FBLN5: variants seen among roughly 807,000 people sequenced by gnomAD.
FBLN5 encodes the protein fibulin-5.
FBLN5 carries 24 observed loss-of-function variants against 61.6 expected under a neutral mutation model. That is an observed-to-expected ratio of 0.39 (90% CI 0.28 to 0.55). FBLN5 has a LOEUF of 0.55. FBLN5 is among the 20% of genes least tolerant of loss of function. The pLI is 0.65. For missense variants in FBLN5, 470 were observed against 594.1 expected (o/e 0.79, Z 2.17); for synonymous variants, 213 against 219.8 (o/e 0.97, Z 0.27).
At chr14:91,932,448 C>T (rs2055940533) in intron 4 of FBLN5, among the ~76,000 whole-genome samples, 1 of 152,174 alleles carries the variant, frequency 6.6e-6, no homozygotes, top group Non-Finnish European at 1.5e-5. Flanking sequence ...CCGCCCAGCC[C>T]ATGGAAACAG....
chr14:91,877,785 T>C, intron 9 of FBLN5, 103 bp from the exon 10 acceptor site: 1 of 886,376 alleles, frequency 1.1e-6, no homozygotes, highest in Non-Finnish European at 1.9e-6. Flanking sequence ...ACCCCATTTT[T>C]AGCATCCAAA....
At chr14:91,928,176 G>A (rs750514176) in intron 4 of FBLN5, among the ~76,000 whole-genome samples, 2 of 152,264 alleles carry the variant, frequency 1.3e-5, no homozygotes, top group South Asian at 2.1e-4. Context: ...TAAAACACAC[G>A]CAACAGAGAA....
chr14:91,911,527 G>A (rs1401379795), intron 4 of FBLN5, among the ~76,000 whole-genome samples: 10 of 152,138 alleles, frequency 6.6e-5, no homozygotes, highest in Admixed American at 3.9e-4. Context: ...GGAGTGTGAG[G>A]GCGGGGAGCC....
intron 4 of FBLN5, among the ~76,000 whole-genome samples, chr14:91,898,440 G>A (rs907031889): frequency 6.6e-6 from 1 of 152,096 alleles, no homozygotes; most frequent in African/African-American, 2.4e-5. Context: ...TTACACACCT[G>A]ATGGAGCTAA....
intron 4 of FBLN5, among the ~76,000 whole-genome samples, chr14:91,922,781 G>C (rs2055762549): frequency 6.6e-6 from 1 of 152,144 alleles, no homozygotes; most frequent in Non-Finnish European, 1.5e-5. Flanking sequence ...ACTTCCCCCA[G>C]GAATTATAAA....
At chr14:91,873,041 A>G (rs1239755244) in intron 10 of FBLN5, among the ~76,000 whole-genome samples, 1 of 152,112 alleles carries the variant, frequency 6.6e-6, no homozygotes, top group Non-Finnish European at 1.5e-5. Context: ...CCCATTTGAA[A>G]TCCTAGACTC....
At chr14:91,872,201 C>A (rs1433919911) in intron 10 of FBLN5, among the ~76,000 whole-genome samples, 1 of 152,204 alleles carries the variant, frequency 6.6e-6, no homozygotes, top group African/African-American at 2.4e-5. Context: ...CCCAGCTAGT[C>A]TTGGGCAGAA....
At chr14:91,901,498 G>A (rs71430742) in intron 4 of FBLN5, among the ~76,000 whole-genome samples, 4,338 of 152,170 alleles carry the variant, frequency 0.029, 125 homozygotes, top group Admixed American at 0.089. Flanking sequence ...AAGCTAATGG[G>A]GCTTGATAAG....
At chr14:91,905,229 T>G (rs1011201284) in intron 4 of FBLN5, among the ~76,000 whole-genome samples, 1 of 152,094 alleles carries the variant, frequency 6.6e-6, no homozygotes, top group Non-Finnish European at 1.5e-5. Flanking sequence ...CTCACCAGGG[T>G]GATCTGGTAC....
intron 4 of FBLN5, among the ~76,000 whole-genome samples, chr14:91,918,804 T>A (rs1433763824): frequency 6.6e-6 from 1 of 152,022 alleles, no homozygotes; most frequent in Non-Finnish European, 1.5e-5. Flanking sequence ...AGACAGGAGA[T>A]AGGGGATATG....
At chr14:91,922,348 AAATAAAT>A (rs1282163457) in intron 4 of FBLN5, among the ~76,000 whole-genome samples, 7 of 150,774 alleles carry the variant, frequency 4.6e-5, no homozygotes, top group African/African-American at 1.7e-4. Context: ...ATAAATAAAT[AAATAAAT>A]AAAATGAAGG....
intron 1 of FBLN5, among the ~76,000 whole-genome samples, chr14:91,945,845 C>T (rs1167365971): frequency 6.6e-6 from 1 of 152,132 alleles, no homozygotes; most frequent in African/African-American, 2.4e-5. Context: ...AGAGCCAAAT[C>T]CCAGGGCTTT....
chr14:91,927,678 G>A (rs1023454771), intron 4 of FBLN5, among the ~76,000 whole-genome samples: 2 of 152,230 alleles, frequency 1.3e-5, no homozygotes, highest in African/African-American at 4.8e-5. Context: ...GGCATTCGAG[G>A]CTATTTGCAA....
chr14:91,923,635 G>C (rs1008355119), intron 4 of FBLN5, among the ~76,000 whole-genome samples: 2 of 152,084 alleles, frequency 1.3e-5, no homozygotes, highest in Admixed American at 1.3e-4. Flanking sequence ...ATTCCTCGTG[G>C]GCACTCCCAT....
intron 4 of FBLN5, among the ~76,000 whole-genome samples, chr14:91,917,609 GA>G (rs1403660088): frequency 7.6e-6 from 1 of 132,178 alleles, no homozygotes; most frequent in Non-Finnish European, 1.6e-5. Flanking sequence ...AAGAAAGAAA[GA>G]AAAAACAAAA....
Position 91,870,131 on chromosome 14 carries a change from C to G in FBLN5, c.*93G>C. Reference sequence around the variant, plus strand: ...GAAACGTTCAGCAGGAAATGCCTAACGTCTGTGTCGCTCTCATTCTCTCTG... The same window carrying G: ...GAAACGTTCAGCAGGAAATGCCTAAGGTCTGTGTCGCTCTCATTCTCTCTG... On this transcript the variant is annotated 3_prime_UTR_variant, in exon 11 of 11. Coordinates refer to ENST00000342058, the MANE Select transcript of FBLN5 (RefSeq NM_006329.4). 7.6e-7 allele frequency: 1 copy of G among 1,312,128 alleles called. No individual in the cohort carries two copies. The highest frequency in any genetic ancestry group is 1.2e-5 in the South Asian group (1 of 83,492). 81.3% of individuals were successfully genotyped at this position (1,312,128 alleles called of 1,614,324 possible).
chr14:91,947,048 G>A lies in FBLN5; in HGVS notation c.17+165C>T. 6.5e-7 allele frequency: 1 copy of A among 1,538,032 alleles called. No homozygotes were observed. The highest frequency in any genetic ancestry group is 8.8e-7 in the Non-Finnish European group (1 of 1,140,730). On this transcript the variant is annotated intron_variant, in intron 1 of 10. Transcript: ENST00000342058. The surrounding 1 kb of genome is among the most constrained non-coding windows in gnomAD (Gnocchi z 4.3). ...AGAACGCTTCAAGATGGAAATTACA[G>A]AGGCGCAGCTTTTTATAATTAACAA...
At chr14:91,885,963 C>T (rs1463533786) in intron 7 of FBLN5, among the ~76,000 whole-genome samples, 1 of 152,196 alleles carries the variant, frequency 6.6e-6, no homozygotes, top group African/African-American at 2.4e-5. Context: ...CAGCCCAAGG[C>T]TCTCTGGAAC....
chr14:91,927,958 G>T (rs373162485), intron 4 of FBLN5, among the ~76,000 whole-genome samples: 25 of 152,372 alleles, frequency 1.6e-4, no homozygotes, highest in East Asian at 1.5e-3. Flanking sequence ...GCTAGACACT[G>T]GGGAAGTGAC....
Sources: allele counts gnomAD v4.1 joint callset (sites outside exome capture counted in the v4.1 genomes callset), GRCh38; gene constraint gnomAD v4.1.1; non-coding constraint Gnocchi (gnomAD v3.1); transcripts MANE v1.5; gene names NCBI Gene and HGNC (gene_info 2026-07-23, HGNC 2026-07-21).